The following GRIK2 variants were observed in gnomAD, a reference collection of about 807,000 sequenced individuals.
GRIK2 encodes glutamate ionotropic receptor kainate type subunit 2, also known as glutamate receptor ionotropic, kainate 2.
A neutral mutation model predicts 100.3 loss-of-function variants in GRIK2; 32 were observed. That is an observed-to-expected ratio of 0.32 (90% CI 0.24 to 0.43). The LOEUF is 0.43. GRIK2 is among the 20% of genes least tolerant of loss of function. The pLI is 1.00. For missense variants in GRIK2, 843 were observed against 1,114.9 expected (o/e 0.76, Z 3.47); for synonymous variants, 417 against 389.4 (o/e 1.07, Z -0.83).
intron 2 of GRIK2, among the ~76,000 whole-genome samples, chr6:101,571,749 A>G (rs892270833): frequency 1.3e-5 from 2 of 152,144 alleles, no homozygotes; most frequent in Non-Finnish European, 2.9e-5. Flanking sequence ...AATTCAGGAA[A>G]TCAGTAGGGA....
At chr6:101,785,846 A>C (rs914563692) in intron 7 of GRIK2, among the ~76,000 whole-genome samples, 3 of 151,502 alleles carry the variant, frequency 2.0e-5, no homozygotes, top group Non-Finnish European at 2.9e-5. Flanking sequence ...TTTCTTTTCT[A>C]TTTCTGTGAA....
At chr6:101,588,668 G>GCACACACACGCACA (rs891615574) in intron 2 of GRIK2, among the ~76,000 whole-genome samples, 1 of 143,126 alleles carries the variant, frequency 7.0e-6, no homozygotes, top group Non-Finnish European at 1.5e-5. Flanking sequence ...ACACGCACAC[G>GCACACACACGCACA]CACACACACA....
At chr6:101,805,239 G>T (rs73512742) in intron 9 of GRIK2, among the ~76,000 whole-genome samples, 1,893 of 151,316 alleles carry the variant, frequency 0.013, 36 homozygotes, top group African/African-American at 0.043. Flanking sequence ...TTGAATTTCA[G>T]TTCCAATTCT....
At position 102,049,794 on chromosome 6, in the gene GRIK2, C is replaced by T. The variant is rs147930016; in HGVS notation, c.2312-5536C>T. Among the ~76,000 whole-genome samples the T allele has an allele frequency of 3.9e-5, 6 of 152,102 alleles. No individual in the cohort carries two copies. The East Asian group carries it at 1.2e-3, about 29-fold the overall frequency. ...GACCCTTGTAATTGATTAAAGCATA[C>T]AGAAGCTTGATTTGAAAGTAAAGAA... On this transcript the variant is annotated intron_variant, in intron 15 of 16. Coordinates refer to ENST00000369134, the MANE Select transcript of GRIK2 (RefSeq NM_021956.5).
At chr6:101,813,657 A>G (rs1409552742) in intron 9 of GRIK2, among the ~76,000 whole-genome samples, 2 of 152,066 alleles carry the variant, frequency 1.3e-5, no homozygotes, top group African/African-American at 4.8e-5. Flanking sequence ...AGTGTTTACA[A>G]CCCCACATTA....
intron 2 of GRIK2, among the ~76,000 whole-genome samples, chr6:101,446,901 G>A (rs927756792): frequency 1.0e-4 from 15 of 149,336 alleles, no homozygotes; most frequent in African/African-American, 3.7e-4. Flanking sequence ...ATGACATATT[G>A]AGTGTGGAAA....
At chr6:101,605,296 T>A (rs1450025399) in intron 2 of GRIK2, among the ~76,000 whole-genome samples, 1 of 152,038 alleles carries the variant, frequency 6.6e-6, no homozygotes, top group African/African-American at 2.4e-5. Context: ...ACTGATACTT[T>A]CCTTACCCAG....
intron 2 of GRIK2, among the ~76,000 whole-genome samples, chr6:101,559,403 A>G (rs936387497): frequency 1.3e-5 from 2 of 152,096 alleles, no homozygotes; most frequent in East Asian, 1.9e-4. Context: ...AATTCCCCAC[A>G]TAAGTATTCC....
At chr6:101,959,938 T>C (rs2128481960) in intron 14 of GRIK2, among the ~76,000 whole-genome samples, 1 of 152,178 alleles carries the variant, frequency 6.6e-6, no homozygotes, top group African/African-American at 2.4e-5. Flanking sequence ...CCTGGATTGT[T>C]CCCACAAATA....
At chr6:101,571,203 A>G (rs1391634960) in intron 2 of GRIK2, among the ~76,000 whole-genome samples, 1 of 152,158 alleles carries the variant, frequency 6.6e-6, no homozygotes, top group Non-Finnish European at 1.5e-5. Flanking sequence ...AGTGATCAGT[A>G]TTGATATGTT....
intron 16 of GRIK2, among the ~76,000 whole-genome samples, chr6:102,058,859 T>C (rs1771602481): frequency 6.6e-6 from 1 of 151,454 alleles, no homozygotes. Flanking sequence ...GGTGACTAAA[T>C]AGTTTGTCAG....
At chr6:101,514,060 T>G (rs1582619100) in intron 2 of GRIK2, among the ~76,000 whole-genome samples, 1 of 152,066 alleles carries the variant, frequency 6.6e-6, no homozygotes, top group Admixed American at 6.6e-5. Flanking sequence ...ATTTTATGAA[T>G]GAAAAGTTGA....
At chr6:101,649,148 C>T (rs561587886) in intron 4 of GRIK2, among the ~76,000 whole-genome samples, 113 of 152,162 alleles carry the variant, frequency 7.4e-4, no homozygotes, top group African/African-American at 2.4e-3. Context: ...TCATTCTCTC[C>T]GGAAGCTTCC....
At chr6:101,708,944 T>G (rs1773519813) in intron 7 of GRIK2, among the ~76,000 whole-genome samples, 1 of 151,842 alleles carries the variant, frequency 6.6e-6, no homozygotes, top group Admixed American at 6.6e-5. Context: ...GGGTCGGCCC[T>G]AATCCAATAT....
At chr6:101,780,787 G>T (rs1779034572) in intron 7 of GRIK2, among the ~76,000 whole-genome samples, 1 of 152,146 alleles carries the variant, frequency 6.6e-6, no homozygotes, top group African/African-American at 2.4e-5. Context: ...CTAAATTTGG[G>T]TGTAAGAGAC....
At chr6:101,517,315 G>A (rs1246964477) in intron 2 of GRIK2, among the ~76,000 whole-genome samples, 2 of 152,068 alleles carry the variant, frequency 1.3e-5, no homozygotes, top group African/African-American at 4.8e-5. Flanking sequence ...TCTTGCATAA[G>A]TCTCTGTTTT....
At chr6:102,054,727 C>T (rs1771383302) in intron 15 of GRIK2, among the ~76,000 whole-genome samples, 1 of 152,008 alleles carries the variant, frequency 6.6e-6, no homozygotes, top group East Asian at 1.9e-4. Flanking sequence ...GCTGTATGCC[C>T]CTTGATTTAT....
At chr6:101,654,232 A>G (rs928129683) in intron 4 of GRIK2, among the ~76,000 whole-genome samples, 4 of 152,106 alleles carry the variant, frequency 2.6e-5, no homozygotes, top group African/African-American at 7.2e-5. Context: ...AGGTCATTGT[A>G]TCTAGTAGTG....
chr6:101,453,985 G>T (rs1770854082), intron 2 of GRIK2, among the ~76,000 whole-genome samples: 2 of 151,934 alleles, frequency 1.3e-5, no homozygotes, highest in Non-Finnish European at 2.9e-5. Flanking sequence ...ACCCAGAAAA[G>T]CCCAACACCA....
Sources: allele counts gnomAD v4.1 joint callset (sites outside exome capture counted in the v4.1 genomes callset), GRCh38; gene constraint gnomAD v4.1.1; transcripts MANE v1.5; gene names NCBI Gene and HGNC (gene_info 2026-07-23, HGNC 2026-07-21).